Variants in CYP39A1 observed in about 807,000 individuals in gnomAD.
CYP39A1 encodes cytochrome P450 family 39 subfamily A member 1, also known as 24-hydroxycholesterol 7-alpha-hydroxylase.
Under a neutral mutation model 58.1 loss-of-function variants are expected in CYP39A1, and 49 were observed. That is an observed-to-expected ratio of 0.84 (90% CI 0.67 to 1.07). The LOEUF (loss-of-function observed/expected upper bound fraction) is 1.07. Ranked by LOEUF, CYP39A1 falls within the 50% of genes least tolerant of loss-of-function variation. The pLI, the probability that CYP39A1 is intolerant of heterozygous loss-of-function variation, is 0.00. For missense variants in CYP39A1, 531 were observed against 539.4 expected (o/e 0.98, Z 0.16); for synonymous variants, 209 against 187.6 (o/e 1.11, Z -0.93).
intron 7 of CYP39A1, among the ~76,000 whole-genome samples, chr6:46,598,353 C>T (rs375253149): frequency 1.2e-3 from 188 of 152,142 alleles, no homozygotes; most frequent in Non-Finnish European, 2.3e-3. Context: ...GGCAATCCTC[C>T]GAAAAAGCAA....
At chr6:46,645,474 A>G (rs1762266513) in intron 1 of CYP39A1, among the ~76,000 whole-genome samples, 1 of 152,116 alleles carries the variant, frequency 6.6e-6, no homozygotes, top group African/African-American at 2.4e-5. Flanking sequence ...CCTTTGCCAA[A>G]AATCACTTGG....
chr6:46,601,335 C>T (rs1773488135), intron 7 of CYP39A1, among the ~76,000 whole-genome samples: 1 of 152,172 alleles, frequency 6.6e-6, no homozygotes, highest in African/African-American at 2.4e-5. Flanking sequence ...TTCCTACTCC[C>T]ACCTGGCTCC....
chr6:46,616,607 C>T (rs1774625992), intron 7 of CYP39A1, among the ~76,000 whole-genome samples: 1 of 152,034 alleles, frequency 6.6e-6, no homozygotes, highest in African/African-American at 2.4e-5. Context: ...TCTGTATCCT[C>T]TACAAGAATG....
intron 9 of CYP39A1, 128 bp from the exon 10 acceptor site, chr6:46,587,293 T>TAATAACAGGTAA: frequency 1.5e-6 from 1 of 688,112 alleles, no homozygotes; most frequent in Non-Finnish European, 2.6e-6. Flanking sequence ...TGTTGGTAAT[T>TAATAACAGGTAA]TTTTCCACCC....
At chr6:46,551,806 G>C (rs936733920) in intron 11 of CYP39A1, among the ~76,000 whole-genome samples, 5 of 152,052 alleles carry the variant, frequency 3.3e-5, no homozygotes, top group Non-Finnish European at 5.9e-5. Flanking sequence ...GTGATTTGAC[G>C]GCCATTTCCT....
chr6:46,622,571 C>A (rs961412325), intron 7 of CYP39A1, among the ~76,000 whole-genome samples: 1 of 152,014 alleles, frequency 6.6e-6, no homozygotes, highest in African/African-American at 2.4e-5. Flanking sequence ...TATGATCATT[C>A]CACTGTACTC....
chr6:46,644,760 C>G (rs1485526350), intron 1 of CYP39A1, among the ~76,000 whole-genome samples: 1 of 152,142 alleles, frequency 6.6e-6, no homozygotes. Context: ...ATATTTCCAC[C>G]ATATGTATAA....
intron 11 of CYP39A1, among the ~76,000 whole-genome samples, chr6:46,550,859 T>C (rs926275666): frequency 3.9e-5 from 6 of 152,196 alleles, no homozygotes; most frequent in Admixed American, 3.9e-4. Flanking sequence ...GAGCCACTTA[T>C]AGCGTATTCA....
At chr6:46,555,981 T>C (rs1770646765) in intron 10 of CYP39A1, among the ~76,000 whole-genome samples, 1 of 152,216 alleles carries the variant, frequency 6.6e-6, no homozygotes, top group Non-Finnish European at 1.5e-5. Context: ...TGGCTAATAT[T>C]TACTGATTTG....
chr6:46,648,806 A>G (rs1285376825), intron 1 of CYP39A1, among the ~76,000 whole-genome samples: 2 of 152,102 alleles, frequency 1.3e-5, no homozygotes, highest in African/African-American at 4.8e-5. Context: ...AACAGTTGGT[A>G]AAAGTTAAAA....
Position 46,590,868 on chromosome 6 carries a change from C to T in CYP39A1, c.1066-2739G>A, listed in dbSNP as rs1246076619. 4.6e-5 allele frequency among the ~76,000 whole-genome samples: 7 copies of T among 152,248 alleles called. No individual in the cohort carries two copies. The East Asian group carries it at 1.4e-3, about 29-fold the overall frequency. ...TATTGTATATTCATGGTGAATATTT[C>T]TTCCTCCAATGACTGTTTAATCTTC... is the stretch of plus-strand genomic sequence containing the variant. On this transcript the variant is annotated intron_variant, in intron 8 of 11. Transcript: ENST00000275016.
chr6:46,616,193 TCCCTCC>T (rs1561994189), intron 7 of CYP39A1, among the ~76,000 whole-genome samples: 22 of 1,140 alleles, frequency 0.019, no homozygotes, highest in African/African-American at 0.023. Flanking sequence ...CTTTCTTCTT[TCCCTCC>T]CTCCCTCCCT....
Position 46,625,507 on chromosome 6 carries a change from AC to A in CYP39A1, c.841del (p.Val281LeufsTer47). 2 of 1,605,840 alleles carry A rather than the reference AC, an allele frequency of 1.2e-6. No individual in the cohort carries two copies. The highest frequency in any genetic ancestry group is 1.7e-6 in the Non-Finnish European group (2 of 1,175,632). On this transcript the variant is annotated frameshift_variant and splice_region_variant, in exon 7 of 12. Transcript: ENST00000275016. LOFTEE classifies it high-confidence loss of function. ...LWASLSNAVPVAFWTLAYVLS... is the reference protein window; with the variant it reads ...LWASLSNAVPXAFWTLAYVLS... ...GACGTATGCAAGTGTCCAAAATGCA[AC>A]CTTAAAAAGAAAAACATATATCAAA... is the stretch of plus-strand genomic sequence containing the variant.
At chr6:46,583,006 C>G (rs1772232719) in intron 10 of CYP39A1, 1 of 944,276 alleles carries the variant, frequency 1.1e-6, no homozygotes, top group Middle Eastern at 5.4e-4. Context: ...AATTAATTTT[C>G]CAATAGATGT....
intron 7 of CYP39A1, among the ~76,000 whole-genome samples, chr6:46,618,306 T>G (rs1200698181): frequency 6.6e-6 from 1 of 152,170 alleles, no homozygotes; most frequent in Non-Finnish European, 1.5e-5. Context: ...ACACCATTAA[T>G]AAGTGTCTCC....
At chr6:46,587,273 G>T in intron 9 of CYP39A1, 108 bp from the exon 10 acceptor site, 1 of 742,448 alleles carries the variant, frequency 1.3e-6, no homozygotes, top group South Asian at 1.6e-5. Flanking sequence ...TGCATATAAA[G>T]TTGCAGGGTT....
chr6:46,647,912 C>A (rs1035211396), intron 1 of CYP39A1, among the ~76,000 whole-genome samples: 1 of 152,050 alleles, frequency 6.6e-6, no homozygotes, highest in African/African-American at 2.4e-5. Context: ...AATTTTTTCC[C>A]ATTCTGTATC....
intron 7 of CYP39A1, among the ~76,000 whole-genome samples, chr6:46,606,537 T>C (rs1773854241): frequency 6.6e-6 from 1 of 152,106 alleles, no homozygotes; most frequent in South Asian, 2.1e-4. Context: ...AAGGTAATCA[T>C]GAAAAGGGCT....
At chr6:46,556,545 G>A (rs1005625050) in intron 10 of CYP39A1, among the ~76,000 whole-genome samples, 6 of 152,086 alleles carry the variant, frequency 3.9e-5, no homozygotes, top group Non-Finnish European at 5.9e-5. Context: ...AGCTGAATAA[G>A]GCCAAGAGCT....
Sources: gnomAD v4.1 joint callset for allele counts (sites outside exome capture counted in the v4.1 genomes callset) on GRCh38, gnomAD v4.1.1 for gene constraint, MANE v1.5 for transcripts, NCBI Gene and HGNC (gene_info 2026-07-23, HGNC 2026-07-21) for gene names.